NRG3: variants seen among roughly 807,000 people sequenced by gnomAD.
The protein encoded by NRG3 is neuregulin 3.
In NRG3, 31 loss-of-function variants were observed where a neutral mutation model predicts 66.9. That is an observed-to-expected ratio of 0.46 (90% CI 0.35 to 0.63). NRG3 has a LOEUF of 0.63. NRG3 is among the 20% of genes least tolerant of loss of function. NRG3 has a pLI of 0.00. For synonymous variants in NRG3, 393 were observed against 359.4 expected, an observed-to-expected ratio of 1.09 and a Z score of -1.06; for missense variants, 910 against 878.9, an observed-to-expected ratio of 1.04 and a Z score of -0.45.
rs139010640 is a variant in NRG3 at position 82,106,831 on chromosome 10, A to T, written c.823+230668A>T. Among the ~76,000 whole-genome samples, 115 of 152,254 alleles carry T rather than the reference A, an allele frequency of 7.6e-4. No individual in the cohort carries two copies. In the Middle Eastern group the frequency reaches 0.014, roughly 18 times the overall value. On this transcript the variant is annotated intron_variant, in intron 1 of 8. Transcript: ENST00000372141. The stretch of plus-strand genomic sequence containing the variant: ...TTAATTAGACATTTTTTATCCAGGG[A>T]TCTACAAAAATATTTCTGAGAAGAT...
chr10:82,383,610 T>G (rs2085774910), intron 2 of NRG3, among the ~76,000 whole-genome samples: 1 of 152,126 alleles, frequency 6.6e-6, no homozygotes, highest in East Asian at 1.9e-4. Flanking sequence ...ATGTTTTTAT[T>G]TATTTTCTCC....
chr10:82,432,998 C>T (rs1008578818), intron 2 of NRG3, among the ~76,000 whole-genome samples: 2 of 152,166 alleles, frequency 1.3e-5, no homozygotes, highest in Admixed American at 1.3e-4. Flanking sequence ...ATTGCTGGGT[C>T]AAATGGTATT....
chr10:82,319,166 A>G (rs1205590103), intron 1 of NRG3, among the ~76,000 whole-genome samples: 1 of 152,246 alleles, frequency 6.6e-6, no homozygotes, highest in African/African-American at 2.4e-5. Context: ...TCTGAAAGAG[A>G]AGTACAGGAT....
intron 1 of NRG3, among the ~76,000 whole-genome samples, chr10:82,171,463 G>A (rs2072602831): frequency 6.6e-6 from 1 of 152,032 alleles, no homozygotes; most frequent in Non-Finnish European, 1.5e-5. Context: ...TGTATAGAAT[G>A]ATATAGGTCA....
intron 1 of NRG3, among the ~76,000 whole-genome samples, chr10:81,970,262 G>A (rs961696053): frequency 3.9e-5 from 6 of 152,248 alleles, no homozygotes; most frequent in Non-Finnish European, 8.8e-5. Context: ...TATGTACCTG[G>A]CATTTACTGG....
intron 1 of NRG3, among the ~76,000 whole-genome samples, chr10:81,911,488 C>A (rs779524042): frequency 6.6e-6 from 1 of 151,890 alleles, no homozygotes; most frequent in Admixed American, 6.6e-5. Flanking sequence ...GCCCTCTCGA[C>A]AGTGTCACTT....
intron 2 of NRG3, among the ~76,000 whole-genome samples, chr10:82,726,341 A>G (rs956147951): frequency 1.3e-5 from 2 of 152,254 alleles, no homozygotes; most frequent in East Asian, 3.9e-4. Flanking sequence ...CCCCACCCAA[A>G]TCTTATCTTG....
intron 6 of NRG3, among the ~76,000 whole-genome samples, chr10:82,962,287 A>G (rs1270259530): frequency 1.3e-5 from 2 of 152,140 alleles, no homozygotes; most frequent in Non-Finnish European, 2.9e-5. Context: ...AACCTCTAGA[A>G]CCTTCAAGGC....
intron 3 of NRG3, among the ~76,000 whole-genome samples, chr10:82,749,552 T>C (rs948026462): frequency 6.6e-6 from 1 of 152,174 alleles, no homozygotes; most frequent in African/African-American, 2.4e-5. Flanking sequence ...TTTAATTTTA[T>C]ATACAAGTTT....
intron 4 of NRG3, among the ~76,000 whole-genome samples, chr10:82,920,340 T>C (rs1489115599): frequency 6.6e-6 from 1 of 151,872 alleles, no homozygotes; most frequent in Admixed American, 6.6e-5. Context: ...GAAGTGAGAG[T>C]TTAGAGATGA....
At chr10:82,068,027 G>T (rs1335256340) in intron 1 of NRG3, among the ~76,000 whole-genome samples, 2 of 152,170 alleles carry the variant, frequency 1.3e-5, no homozygotes, top group Non-Finnish European at 2.9e-5. Context: ...TGTAAGTAAT[G>T]ATCTTGAACA....
intron 3 of NRG3, among the ~76,000 whole-genome samples, chr10:82,760,665 A>C (rs2059266848): frequency 6.6e-6 from 1 of 152,106 alleles, no homozygotes; most frequent in Admixed American, 6.6e-5. Context: ...CTATGGTTTT[A>C]TCTACTTAGA....
rs370630276 is a variant in NRG3 at position 82,360,396 on chromosome 10, G to A, written c.953+1528G>A. 1.3e-4 allele frequency among the ~76,000 whole-genome samples: 20 copies of A among 152,306 alleles called. 1 individual carries two copies. In the East Asian group the frequency reaches 2.9e-3, roughly 22 times the overall value. ...GGATAATCATTTGGAAGTGGCCAAT[G>A]CAATCAATTATGTTTGAATTCGTAA... On this transcript the variant is annotated intron_variant, in intron 2 of 8. Transcript: ENST00000372141.
At chr10:82,330,353 C>A (rs2082083309) in intron 1 of NRG3, among the ~76,000 whole-genome samples, 1 of 145,340 alleles carries the variant, frequency 6.9e-6, no homozygotes, top group Non-Finnish European at 1.5e-5. Context: ...TTTTTATAGT[C>A]ATGATTACAT....
intron 4 of NRG3, among the ~76,000 whole-genome samples, chr10:82,944,996 T>C (rs1461846757): frequency 6.6e-6 from 1 of 152,134 alleles, no homozygotes; most frequent in Non-Finnish European, 1.5e-5. Context: ...GCAAGTACCT[T>C]TACTGGTAGA....
At chr10:82,612,435 A>G (rs946388446) in intron 2 of NRG3, among the ~76,000 whole-genome samples, 1 of 152,122 alleles carries the variant, frequency 6.6e-6, no homozygotes, top group South Asian at 2.1e-4. Flanking sequence ...TAAATTTAAA[A>G]TAAATTTGCT....
intron 1 of NRG3, among the ~76,000 whole-genome samples, chr10:82,309,212 A>G (rs569847122): frequency 6.6e-6 from 1 of 152,290 alleles, no homozygotes; most frequent in East Asian, 1.9e-4. Flanking sequence ...TTAAGCCACG[A>G]TCGCCCATTC....
intron 1 of NRG3, among the ~76,000 whole-genome samples, chr10:81,946,398 A>T (rs1451242362): frequency 6.6e-6 from 1 of 152,156 alleles, no homozygotes; most frequent in Non-Finnish European, 1.5e-5. Context: ...TTTAATGGCA[A>T]CCCTAGGAAA....
At chr10:82,531,522 C>A (rs1467285012) in intron 2 of NRG3, among the ~76,000 whole-genome samples, 1 of 151,550 alleles carries the variant, frequency 6.6e-6, no homozygotes, top group Non-Finnish European at 1.5e-5. Flanking sequence ...TTATAATCTA[C>A]CAACATAAGC....
Sources: gnomAD v4.1 joint callset for allele counts (sites outside exome capture counted in the v4.1 genomes callset) on GRCh38, gnomAD v4.1.1 for gene constraint, MANE v1.5 for transcripts, NCBI Gene and HGNC (gene_info 2026-07-23, HGNC 2026-07-21) for gene names.